LAMA4: variants seen among roughly 807,000 people sequenced by gnomAD.
The protein encoded by LAMA4 is laminin subunit alpha 4.
LAMA4 carries 127 observed loss-of-function variants against 207.1 expected under a neutral mutation model. The observed-to-expected ratio is 0.61, with a 90% CI of 0.53 to 0.71. The LOEUF is 0.71. LAMA4 is among the 30% of genes least tolerant of loss of function. The pLI, the probability that LAMA4 is intolerant of heterozygous loss-of-function variation, is 0.00. For missense variants in LAMA4, 2,093 were observed against 2,246.5 expected, an observed-to-expected ratio of 0.93 and a Z score of 1.38; for synonymous variants, 761 against 816.0, an observed-to-expected ratio of 0.93 and a Z score of 1.15.
chr6:112,229,455 C>T (rs565142312), intron 2 of LAMA4, among the ~76,000 whole-genome samples: 38 of 152,330 alleles, frequency 2.5e-4, no homozygotes, highest in African/African-American at 8.7e-4. Context: ...TTGAGTTCAA[C>T]TCTTTGAAGT....
At chr6:112,202,946 A>T (rs1562728342) in intron 4 of LAMA4, among the ~76,000 whole-genome samples, 1 of 152,186 alleles carries the variant, frequency 6.6e-6, no homozygotes, top group Admixed American at 6.5e-5. Context: ...AACAGATGAC[A>T]TTTTCCTTAA....
chr6:112,155,513 A>G (rs1554336697), intron 15 of LAMA4, 52 bp downstream of exon 15: 3 of 1,601,534 alleles, frequency 1.9e-6, no homozygotes, highest in Non-Finnish European at 2.6e-6. Context: ...ATCAGAAAAC[A>G]GAAAAGCCAG....
chr6:112,122,431 T>TCTTTACTAC (rs1282772395), intron 31 of LAMA4, among the ~76,000 whole-genome samples: 4 of 152,124 alleles, frequency 2.6e-5, no homozygotes, highest in Non-Finnish European at 4.4e-5. Context: ...CCCAAATTCT[T>TCTTTACTAC]CCGCATGGTA....
At chr6:112,211,132 G>T (rs1182294603) in intron 3 of LAMA4, among the ~76,000 whole-genome samples, 3 of 152,112 alleles carry the variant, frequency 2.0e-5, no homozygotes, top group Non-Finnish European at 4.4e-5. Context: ...CAGGATGTCT[G>T]CATCCTGAGG....
chr6:112,136,600 G>C (rs782586010), intron 24 of LAMA4, among the ~76,000 whole-genome samples: 4 of 151,460 alleles, frequency 2.6e-5, no homozygotes, highest in Non-Finnish European at 5.9e-5. Context: ...GCTGAGGCAA[G>C]AGAATCGCTT....
chr6:112,177,849 CT>C (rs1215346684), intron 10 of LAMA4, among the ~76,000 whole-genome samples: 5 of 152,212 alleles, frequency 3.3e-5, no homozygotes, highest in Non-Finnish European at 7.3e-5. Flanking sequence ...GCAATCTCCT[CT>C]GTCAGAAGGT....
rs1409790977 is a variant in LAMA4 at position 112,114,684 on chromosome 6, C to T, written c.5185G>A (p.Gly1729Ser). The part of the protein sequence containing the change: ...SVTPKQSLCD[G>S]RWHRITVIRD... ...TCACCTGTAATTCTGTGCCATCTGC[C>T]ATCACAGAGACTCTGCTTGGGTGTA... The change falls in exon 37 of 39, where the codon GGC becomes AGC. Residue 1729 changes from glycine (G) to serine (S), a missense_variant. This residue lies in a region of LAMA4 where 383 missense variants were observed against 437.8 expected (regional missense o/e 0.87). Transcript: ENST00000230538. 1 of 1,612,392 alleles carries T rather than the reference C, an allele frequency of 6.2e-7. No homozygotes were observed. Among genetic ancestry groups the T allele is most frequent in the East Asian group, 2.2e-5 (1 of 44,844 alleles).
Position 112,187,444 on chromosome 6 carries a change from G to C in LAMA4, c.966+6C>G. 3.1e-6 allele frequency: 5 copies of C among 1,614,036 alleles called. No homozygotes were observed. In the Middle Eastern group the frequency reaches 5.0e-4, roughly 160 times the overall value. On this transcript the variant is annotated splice_donor_region_variant and intron_variant, in intron 8 of 38. Transcript: ENST00000230538. ...ACAGAGTGGAAAGTAGAACATTCCT[G>C]CGTACTTTGAGGAGGTAGATGGTGG...
At chr6:112,159,044 C>T (rs1188924876) in intron 13 of LAMA4, 164 bp from the exon 14 acceptor site, 11 of 606,872 alleles carry the variant, frequency 1.8e-5, no homozygotes, top group Non-Finnish European at 2.9e-5. Context: ...CTATTTATCC[C>T]GCATTGCCAG....
intron 11 of LAMA4, among the ~76,000 whole-genome samples, chr6:112,174,948 A>C (rs561108118): frequency 2.0e-5 from 3 of 152,348 alleles, no homozygotes; most frequent in Admixed American, 2.0e-4. Context: ...TCTTCACAAC[A>C]TGAATGTTTC....
At chr6:112,175,187 C>G in intron 11 of LAMA4, 126 bp downstream of exon 11, 3 of 937,266 alleles carry the variant, frequency 3.2e-6, no homozygotes, top group Non-Finnish European at 5.1e-6. Context: ...CATGTAGATT[C>G]TAAATAGTTC....
In LAMA4 at chr6:112,172,740, G is replaced by A; in HGVS notation, c.1422C>T (p.Val474=). The stretch of plus-strand genomic sequence containing the variant: ...CATTGTAGTCATCCAGCTGCTCCAG[G>A]ACGACAGGAAACAGAGTGCGGGTCT... The part of the protein sequence containing the change: ...HNETRTLFPV[V]LEQLDDYNAK... Residue 474 remains valine (V), a synonymous_variant, in exon 12 of 39, where the codon GTC becomes GTT. Transcript: ENST00000230538. The A allele has an allele frequency of 6.2e-7, 1 of 1,614,100 alleles. No individual in the cohort carries two copies. Among genetic ancestry groups the A allele is most frequent in the Non-Finnish European group, 8.5e-7 (1 of 1,179,996 alleles).
At chr6:112,235,064 C>T (rs556664388) in intron 2 of LAMA4, among the ~76,000 whole-genome samples, 22 of 152,236 alleles carry the variant, frequency 1.4e-4, no homozygotes, top group South Asian at 4.2e-4. Flanking sequence ...GAGAATGAGG[C>T]GTGAAAGTGC....
Position 112,166,466 on chromosome 6 carries a change from G to T in LAMA4, c.1552-1190C>A, listed in dbSNP as rs180873567. ...AATATGTGTATTAAAATATGTAAAA[G>T]AAGGGAGTTGAAAAAAGGTTGGTAT... On this transcript the variant is annotated intron_variant, in intron 12 of 38. Coordinates refer to ENST00000230538, the MANE Select transcript of LAMA4 (RefSeq NM_001105206.3). 4 of 152,438 alleles carry T rather than the reference G, an allele frequency of 2.6e-5. No individual in the cohort carries two copies. The East Asian group carries it at 7.7e-4, about 29-fold the overall frequency. The allele number at this position is 152,438 out of a possible 1,614,324, so 9.4% of individuals were successfully genotyped here.
At chr6:112,216,344 A>G (rs1554358649) in intron 3 of LAMA4, 24 bp downstream of exon 3, 2 of 1,440,878 alleles carry the variant, frequency 1.4e-6, no homozygotes, top group Non-Finnish European at 2.0e-6. Context: ...AAGTACGTGA[A>G]GTGTTATAGG....
At chr6:112,213,362 T>G (rs1554357408) in intron 3 of LAMA4, among the ~76,000 whole-genome samples, 2 of 152,212 alleles carry the variant, frequency 1.3e-5, no homozygotes, top group Non-Finnish European at 2.9e-5. Flanking sequence ...TTCCACTTGT[T>G]TTTTCCCCTC....
At chr6:112,188,784 G>C (rs1383704969) in intron 7 of LAMA4, 2 of 280,844 alleles carry the variant, frequency 7.1e-6, no homozygotes, top group Admixed American at 9.3e-5. Flanking sequence ...GGGACCTGAA[G>C]AGACGATATA....
intron 3 of LAMA4, among the ~76,000 whole-genome samples, chr6:112,208,419 A>T (rs1784186791): frequency 6.6e-6 from 1 of 152,192 alleles, no homozygotes; most frequent in Non-Finnish European, 1.5e-5. Flanking sequence ...TAATTCTCAC[A>T]ACAATCCTGA....
intron 2 of LAMA4, among the ~76,000 whole-genome samples, chr6:112,245,906 A>AT (rs1176173037): frequency 6.6e-6 from 1 of 152,082 alleles, no homozygotes; most frequent in Non-Finnish European, 1.5e-5. Flanking sequence ...TTGTTTATGT[A>AT]TTTTTTTCTT....
Sources: gnomAD v4.1 joint callset for allele counts (sites outside exome capture counted in the v4.1 genomes callset) on GRCh38, gnomAD v4.1.1 for gene constraint, gnomAD v4.1.1 regional missense constraint, MANE v1.5 for transcripts, NCBI Gene and HGNC (gene_info 2026-07-23, HGNC 2026-07-21) for gene names.